The following PRKD1 variants were observed in gnomAD, a reference collection of about 807,000 sequenced individuals.
The protein encoded by PRKD1 is protein kinase D1.
A neutral mutation model predicts 95.9 loss-of-function variants in PRKD1; 63 were observed. The observed-to-expected ratio is 0.66, with a 90% CI of 0.54 to 0.81. The LOEUF (loss-of-function observed/expected upper bound fraction) is 0.81, where lower values mean the gene tolerates loss of function less well. PRKD1 is among the 30% of genes least tolerant of loss of function. PRKD1 has a pLI of 0.00. For missense variants in PRKD1, 1,048 were observed against 1,165.3 expected, an observed-to-expected ratio of 0.90 and a Z score of 1.47; for synonymous variants, 425 against 423.1, an observed-to-expected ratio of 1.00 and a Z score of -0.05.
intron 1 of PRKD1, among the ~76,000 whole-genome samples, chr14:29,850,631 T>A (rs1892273049): frequency 6.6e-6 from 1 of 151,680 alleles, no homozygotes; most frequent in Non-Finnish European, 1.5e-5. Flanking sequence ...TGAAGCAATA[T>A]CATAAAAATG....
chr14:29,688,062 T>C (rs1234945765), intron 2 of PRKD1, among the ~76,000 whole-genome samples: 1 of 152,192 alleles, frequency 6.6e-6, no homozygotes, highest in East Asian at 1.9e-4. Context: ...CTGTCAGCAG[T>C]CTGCATTTCT....
intron 1 of PRKD1, among the ~76,000 whole-genome samples, chr14:29,877,941 C>T (rs2139389877): frequency 6.6e-6 from 1 of 152,298 alleles, no homozygotes; most frequent in South Asian, 2.1e-4. Context: ...ACATGAGGTA[C>T]ATATACACCA....
chr14:29,782,204 T>C (rs1449239534), intron 1 of PRKD1, among the ~76,000 whole-genome samples: 3 of 152,314 alleles, frequency 2.0e-5, no homozygotes, highest in Admixed American at 2.0e-4. Flanking sequence ...GGTAAACATT[T>C]TTTAACATTA....
chr14:29,766,218 T>C (rs1289140731), intron 1 of PRKD1, among the ~76,000 whole-genome samples: 1 of 152,046 alleles, frequency 6.6e-6, no homozygotes, highest in Non-Finnish European at 1.5e-5. Flanking sequence ...GTACACAATA[T>C]CATATTGGTT....
intron 4 of PRKD1, among the ~76,000 whole-genome samples, chr14:29,649,436 T>C (rs1358463090): frequency 6.6e-6 from 1 of 152,000 alleles, no homozygotes; most frequent in Non-Finnish European, 1.5e-5. Flanking sequence ...TTTCTAATTT[T>C]TTTTTTTTAA....
At chr14:29,724,026 G>C (rs1196014317) in intron 2 of PRKD1, among the ~76,000 whole-genome samples, 1 of 152,152 alleles carries the variant, frequency 6.6e-6, no homozygotes, top group African/African-American at 2.4e-5. Context: ...TTCTCATGCA[G>C]CAAGGGAATT....
chr14:29,861,873 C>T (rs936466447), intron 1 of PRKD1, among the ~76,000 whole-genome samples: 2 of 152,146 alleles, frequency 1.3e-5, no homozygotes, highest in African/African-American at 4.8e-5. Context: ...AGGCTGGTCT[C>T]AAACTCCTAA....
At chr14:29,903,357 A>G (rs1391344911) in intron 1 of PRKD1, among the ~76,000 whole-genome samples, 1 of 152,218 alleles carries the variant, frequency 6.6e-6, no homozygotes, top group African/African-American at 2.4e-5. Flanking sequence ...GTTCAGGACT[A>G]TATTTTTAAA....
intron 1 of PRKD1, among the ~76,000 whole-genome samples, chr14:29,849,260 A>T (rs1892203684): frequency 6.6e-6 from 1 of 152,158 alleles, no homozygotes; most frequent in African/African-American, 2.4e-5. Context: ...ATGTGAAGAC[A>T]TGCGTGCCCG....
intron 7 of PRKD1, 108 bp downstream of exon 7, chr14:29,636,182 C>T (rs767946939): frequency 5.7e-5 from 75 of 1,306,316 alleles, no homozygotes; most frequent in African/African-American, 2.5e-4. Context: ...TAAAAGTAAA[C>T]GTGCACTTCA....
At chr14:29,688,650 C>T (rs559011126) in intron 2 of PRKD1, among the ~76,000 whole-genome samples, 10 of 152,178 alleles carry the variant, frequency 6.6e-5, no homozygotes, top group Non-Finnish European at 1.0e-4. Flanking sequence ...AAATTTAAAA[C>T]CCGAGGCATG....
chr14:29,834,237 G>A (rs1317901230), intron 1 of PRKD1, among the ~76,000 whole-genome samples: 2 of 152,066 alleles, frequency 1.3e-5, no homozygotes, highest in Non-Finnish European at 2.9e-5. Context: ...TTTAGTAGAA[G>A]AATAAGTTCA....
rs567203146 is a variant in PRKD1, at chr14:29,772,165, G to A, written c.265-46491C>T. Among the ~76,000 whole-genome samples the A allele has an allele frequency of 1.6e-4, 24 of 152,316 alleles. No individual in the cohort carries two copies. In the South Asian group the frequency reaches 3.1e-3, roughly 20 times the overall value. On this transcript the variant is annotated intron_variant, in intron 1 of 17. Transcript: ENST00000331968. ...GGGATGGAATCAATGTATTTAGCACGTGAGAAGAATATTAATTTAGGAGAT... is the reference window on the plus strand; with the variant it reads ...GGGATGGAATCAATGTATTTAGCACATGAGAAGAATATTAATTTAGGAGAT...
At chr14:29,764,520 C>G (rs1292718854) in intron 1 of PRKD1, among the ~76,000 whole-genome samples, 1 of 152,036 alleles carries the variant, frequency 6.6e-6, no homozygotes. Flanking sequence ...GCTGGGAAGT[C>G]CAAGACCAAG....
intron 1 of PRKD1, among the ~76,000 whole-genome samples, chr14:29,882,859 CTG>C (rs10538155): frequency 0.38 from 56,958 of 150,896 alleles, 10,900 homozygotes; most frequent in African/African-American, 0.46. Context: ...CAATATTCCA[CTG>C]TGTGTGTGTG....
intron 4 of PRKD1, among the ~76,000 whole-genome samples, chr14:29,654,532 G>A (rs1166704390): frequency 6.6e-6 from 1 of 152,034 alleles, no homozygotes; most frequent in African/African-American, 2.4e-5. Context: ...AAATAGAGAT[G>A]CTTATTTTTT....
intron 13 of PRKD1, among the ~76,000 whole-genome samples, chr14:29,612,097 T>C (rs1878509679): frequency 2.0e-5 from 3 of 152,162 alleles, no homozygotes; most frequent in Non-Finnish European, 4.4e-5. Flanking sequence ...TACCAGATAA[T>C]GGTAACTAAA....
chr14:29,765,205 T>TA (rs1888204214), intron 1 of PRKD1, among the ~76,000 whole-genome samples: 1 of 151,434 alleles, frequency 6.6e-6, no homozygotes, highest in Non-Finnish European at 1.5e-5. Context: ...AACAAAGGAG[T>TA]AGTATCAAGA....
chr14:29,841,062 G>T (rs1235508429), intron 1 of PRKD1, among the ~76,000 whole-genome samples: 1 of 152,196 alleles, frequency 6.6e-6, no homozygotes, highest in Non-Finnish European at 1.5e-5. Flanking sequence ...GACTTGCATG[G>T]GGCCTGTGGC....
Sources: allele counts gnomAD v4.1 joint callset (sites outside exome capture counted in the v4.1 genomes callset), GRCh38; gene constraint gnomAD v4.1.1; transcripts MANE v1.5; gene names NCBI Gene and HGNC (gene_info 2026-07-23, HGNC 2026-07-21).